KCNQ1: variants seen among roughly 807,000 people sequenced by gnomAD.
The protein encoded by KCNQ1 is potassium voltage-gated channel subfamily Q member 1.
A neutral mutation model predicts 72.4 loss-of-function variants in KCNQ1; 49 were observed. That is an observed-to-expected ratio of 0.68 (90% CI 0.54 to 0.86). KCNQ1 has a LOEUF of 0.86. Ranked by LOEUF, KCNQ1 falls within the 40% of genes least tolerant of loss-of-function variation. The pLI is 0.00. For synonymous variants in KCNQ1, 450 were observed against 412.6 expected (o/e 1.09, Z -1.10); for missense variants, 790 against 945.1 (o/e 0.84, Z 2.15).
chr11:2,812,041 C>T (rs1026326521), intron 15 of KCNQ1, among the ~76,000 whole-genome samples: 1 of 152,158 alleles, frequency 6.6e-6, no homozygotes, highest in African/African-American at 2.4e-5. Context: ...CCGGCCACCC[C>T]TCAGCCCAGC....
intron 10 of KCNQ1, chr11:2,650,281 A>C (rs901733012): frequency 2.0e-5 from 8 of 398,190 alleles, no homozygotes; most frequent in Non-Finnish European, 3.5e-5. Flanking sequence ...CTATTATTGG[A>C]GAATTATTGT....
At position 2,703,031 on chromosome 11, in the gene KCNQ1, G is replaced by A. The variant is rs961445898; in HGVS notation, c.1514+40950G>A. Among the ~76,000 whole-genome samples the A allele has an allele frequency of 6.6e-5, 10 of 152,252 alleles. No homozygotes were observed. The South Asian group carries it at 1.9e-3, about 28-fold the overall frequency. ...ACTGAGAGGGGTTTGTTGTCTCGTC[G>A]GGCGACAAGAGACACGTGGGAATTG... On this transcript the variant is annotated intron_variant, in intron 11 of 15. Coordinates refer to ENST00000155840, the MANE Select transcript of KCNQ1 (RefSeq NM_000218.3). The surrounding 1 kb of genome is among the most constrained non-coding windows in gnomAD (Gnocchi z 6.4).
At chr11:2,791,568 C>CA (rs1847022941) in intron 15 of KCNQ1, among the ~76,000 whole-genome samples, 1 of 152,164 alleles carries the variant, frequency 6.6e-6, no homozygotes, top group African/African-American at 2.4e-5. Context: ...CTGGCCGTGC[C>CA]GGCTGGGCTG....
At chr11:2,797,027 G>A (rs990864596) in intron 15 of KCNQ1, among the ~76,000 whole-genome samples, 2 of 152,226 alleles carry the variant, frequency 1.3e-5, no homozygotes, top group Admixed American at 6.5e-5. Context: ...TGGGCTGGTG[G>A]CAAGTGGCGG....
chr11:2,530,029 G>C (rs1438372446), intron 2 of KCNQ1, among the ~76,000 whole-genome samples: 1 of 152,050 alleles, frequency 6.6e-6, no homozygotes, highest in Non-Finnish European at 1.5e-5. Context: ...TGAGTTTCAT[G>C]TCCTATCACA....
chr11:2,572,076 G>T lies in KCNQ1; in HGVS notation c.747G>T (p.Arg249Ser), dbSNP rs1307470436. The change falls in exon 5 of 16, where the codon AGG becomes AGT. Residue 249 changes from arginine (R) to serine (S), a missense_variant. This residue lies in a region of KCNQ1 where 133 missense variants were observed against 219.5 expected (regional missense o/e 0.61). Coordinates refer to ENST00000155840, the MANE Select transcript of KCNQ1 (RefSeq NM_000218.3). ...TCGACCGCCAGGGAGGCACCTGGAGGCTCCTGGGCTCCGTGGTCTTCATCC... is the reference window on the plus strand; with the variant it reads ...TCGACCGCCAGGGAGGCACCTGGAGTCTCCTGGGCTCCGTGGTCTTCATCC... ...LHVDRQGGTW[R>S]LLGSVVFIHR... is the part of the protein sequence containing the mutation. 6.2e-7 allele frequency: 1 copy of T among 1,612,724 alleles called. No individual in the cohort carries two copies. The highest frequency in any genetic ancestry group is 8.5e-7 in the Non-Finnish European group (1 of 1,179,844).
In KCNQ1 at chr11:2,645,685, G is replaced by A. The variant is rs1849655260; in HGVS notation, c.1394-16276G>A. 2.5e-6 allele frequency: 1 copy of A among 398,694 alleles called. No individual in the cohort carries two copies. The highest frequency in any genetic ancestry group is 4.4e-6 in the Non-Finnish European group (1 of 226,270). The allele number at this position is 398,694 out of a possible 1,614,324, so 24.7% of individuals were successfully genotyped here. ...GAGTATTGCCAATGGCTCATGCTTTGGCCTGGAGGGAGCAGTCAGGAGTGG... is the reference window on the plus strand; with the variant it reads ...GAGTATTGCCAATGGCTCATGCTTTAGCCTGGAGGGAGCAGTCAGGAGTGG... On this transcript the variant is annotated intron_variant, in intron 10 of 15. Transcript: ENST00000155840. The surrounding 1 kb of genome is among the most constrained non-coding windows in gnomAD (Gnocchi z 5.8).
At chr11:2,795,673 TG>T (rs1171590196) in intron 15 of KCNQ1, among the ~76,000 whole-genome samples, 1 of 152,230 alleles carries the variant, frequency 6.6e-6, no homozygotes, top group African/African-American at 2.4e-5. Flanking sequence ...TCCGTTGCCA[TG>T]GTGACACCCA....
chr11:2,589,528 T>C (rs1848643925), intron 10 of KCNQ1, among the ~76,000 whole-genome samples: 2 of 152,132 alleles, frequency 1.3e-5, no homozygotes, highest in South Asian at 4.1e-4. Context: ...CTTTGACAGA[T>C]GTGGAGAGCG....
At position 2,826,741 on chromosome 11, in the gene KCNQ1, T is replaced by TGCCTC. The variant is rs565424142; in HGVS notation, c.1795-21025_1795-21021dup. 1.2e-4 allele frequency among the ~76,000 whole-genome samples: 18 copies of TGCCTC among 152,354 alleles called. No individual in the cohort carries two copies. The East Asian group carries it at 2.1e-3, about 18-fold the overall frequency. On this transcript the variant is annotated intron_variant, in intron 15 of 15. Transcript: ENST00000155840. This position sits in a 1 kb window ranked among gnomAD's most constrained non-coding sequence, Gnocchi z 4.2. Reference sequence around the variant, plus strand: ...ACCCCTCGTCTTGGGGCCCCTGCCCTGCCTCCACTCAGAATCCCACTATGT... The same window carrying TGCCTC: ...ACCCCTCGTCTTGGGGCCCCTGCCCTGCCTCGCCTCCACTCAGAATCCCACTATGT...
At chr11:2,755,250 T>G (rs908851934) in intron 11 of KCNQ1, among the ~76,000 whole-genome samples, 17 of 152,054 alleles carry the variant, frequency 1.1e-4, no homozygotes, top group African/African-American at 4.1e-4. Context: ...TTGTTGTTGT[T>G]TTTGTTGTTG....
At position 2,592,996 on chromosome 11, in the gene KCNQ1, TG is replaced by T. The variant is rs1258477215; in HGVS notation, c.1393+4143del. Among the ~76,000 whole-genome samples, 1 of 152,172 alleles carries T rather than the reference TG, an allele frequency of 6.6e-6. No individual in the cohort carries two copies. Among genetic ancestry groups the T allele is most frequent in the African/African-American group, 2.4e-5 (1 of 41,444 alleles). ...TGAAGGAGCCGCCTCCATCCTGAGC[TG>T]CCTACCCTGCCCCTCCTCCACTCCA... On this transcript the variant is annotated intron_variant, in intron 10 of 15. Transcript: ENST00000155840. This position sits in a 1 kb window ranked among gnomAD's most constrained non-coding sequence, Gnocchi z 5.2.
chr11:2,794,552 G>A (rs1228667603), intron 15 of KCNQ1, among the ~76,000 whole-genome samples: 1 of 152,140 alleles, frequency 6.6e-6, no homozygotes, highest in African/African-American at 2.4e-5. Context: ...ACTCAGCCCT[G>A]AGCCCAGCCG....
rs1849259621 is a variant in KCNQ1 at position 2,626,195 on chromosome 11, A to T, written c.1394-35766A>T. 2 of 398,404 alleles carry T rather than the reference A, an allele frequency of 5.0e-6. No homozygotes were observed. Among genetic ancestry groups the T allele is most frequent in the South Asian group, 2.5e-4 (2 of 7,854 alleles). 24.7% of individuals were successfully genotyped at this position (398,404 alleles called of 1,614,324 possible). ...CCTTATAAGACTTCATAGTTTTAGG[A>T]CTTTGACCCATTTTGAGTAAGTTTT... is the stretch of plus-strand genomic sequence containing the variant. On this transcript the variant is annotated intron_variant, in intron 10 of 15. Coordinates refer to ENST00000155840, the MANE Select transcript of KCNQ1 (RefSeq NM_000218.3). The surrounding 1 kb of genome is among the most constrained non-coding windows in gnomAD (Gnocchi z 4.0).
rs1419221631 is a variant in KCNQ1, at chr11:2,626,341, T to G, written c.1394-35620T>G. ...ATGGTATTAGGTAAGGGTCTCAACT[T>G]CAGTTATCCTGGCACCATTTGTTGA... On this transcript the variant is annotated intron_variant, in intron 10 of 15. Coordinates refer to ENST00000155840, the MANE Select transcript of KCNQ1 (RefSeq NM_000218.3). This position sits in a 1 kb window ranked among gnomAD's most constrained non-coding sequence, Gnocchi z 4.0. The G allele has an allele frequency of 1.5e-5, 6 of 398,612 alleles. No individual in the cohort carries two copies. In the East Asian group the frequency reaches 2.1e-4, roughly 14 times the overall value. The allele number at this position is 398,612 out of a possible 1,614,324, so 24.7% of individuals were successfully genotyped here.
Position 2,642,331 on chromosome 11 carries a change from T to C in KCNQ1, c.1394-19630T>C, listed in dbSNP as rs1849592726. ...TTCCTTGTTAGAGGTTTCTCACCTC[T>C]TTGGTTAAACTCATTCCTAGATTTT... is the stretch of plus-strand genomic sequence containing the variant. On this transcript the variant is annotated intron_variant, in intron 10 of 15. Transcript: ENST00000155840. The surrounding 1 kb of genome is among the most constrained non-coding windows in gnomAD (Gnocchi z 4.3). 1.0e-5 allele frequency: 4 copies of C among 398,152 alleles called. No homozygotes were observed. The highest frequency in any genetic ancestry group is 1.8e-5 in the Non-Finnish European group (4 of 225,866). 24.7% of individuals were successfully genotyped at this position (398,152 alleles called of 1,614,324 possible).
intron 10 of KCNQ1, chr11:2,660,720 T>C (rs919797302): frequency 3.0e-5 from 12 of 398,508 alleles, no homozygotes; most frequent in African/African-American, 2.5e-4. Context: ...TCGGGCTTCA[T>C]TCAACACTTC....
In KCNQ1 at chr11:2,574,940, C is replaced by CA. The variant is rs202222430; in HGVS notation, c.921+1955dup. On this transcript the variant is annotated intron_variant, in intron 6 of 15. Coordinates refer to ENST00000155840, the MANE Select transcript of KCNQ1 (RefSeq NM_000218.3). ...CAGCCCCCCTGCGGGAGCCTGCCTGCAGTGAGTGTGGATGGGTAGGGCGTG... is the reference window on the plus strand; with the variant it reads ...CAGCCCCCCTGCGGGAGCCTGCCTGCAAGTGAGTGTGGATGGGTAGGGCGTG... Among the ~76,000 whole-genome samples the CA allele has an allele frequency of 1.5e-3, 225 of 152,214 alleles. 8 individuals are homozygous for CA. The East Asian group carries it at 0.033, about 23-fold the overall frequency.
intron 15 of KCNQ1, among the ~76,000 whole-genome samples, chr11:2,793,629 ATAAAAG>A (rs1847076279): frequency 6.6e-6 from 1 of 152,208 alleles, no homozygotes; most frequent in South Asian, 2.1e-4. Flanking sequence ...ATCTCTAAAA[ATAAAAG>A]TAAGAAGTAT....
Sources: gnomAD v4.1 joint callset for allele counts (sites outside exome capture counted in the v4.1 genomes callset) on GRCh38, gnomAD v4.1.1 for gene constraint, gnomAD v4.1.1 regional missense constraint, Gnocchi (gnomAD v3.1) non-coding constraint, MANE v1.5 for transcripts, NCBI Gene and HGNC (gene_info 2026-07-23, HGNC 2026-07-21) for gene names.